Variants in MEOX2 observed in about 807,000 individuals in gnomAD.
MEOX2 encodes the protein homeobox protein MOX-2.
MEOX2 carries 11 observed loss-of-function variants against 27.0 expected under a neutral mutation model. The ratio of observed to expected loss-of-function variants is 0.41; its 90% CI spans 0.26 to 0.68. The LOEUF (loss-of-function observed/expected upper bound fraction) is 0.68, where lower values mean the gene tolerates loss of function less well. Ranked by LOEUF, MEOX2 falls within the 30% of genes least tolerant of loss-of-function variation. The pLI is 0.33. For missense variants in MEOX2, 436 were observed against 385.4 expected (o/e 1.13, Z -1.10); for synonymous variants, 189 against 155.4 (o/e 1.22, Z -1.61).
At chr7:15,617,784 A>G (rs191162007) in intron 2 of MEOX2, among the ~76,000 whole-genome samples, 1 of 151,996 alleles carries the variant, frequency 6.6e-6, no homozygotes, top group Non-Finnish European at 1.5e-5. Flanking sequence ...TCATTTTCCT[A>G]CCTCTGTAAT....
intron 1 of MEOX2, among the ~76,000 whole-genome samples, chr7:15,664,629 G>C (rs1470217065): frequency 6.6e-6 from 1 of 152,092 alleles, no homozygotes; most frequent in South Asian, 2.1e-4. Context: ...AAATACTTCA[G>C]GGCTAATTCA....
chr7:15,626,479 A>G (rs1027753956), intron 2 of MEOX2, among the ~76,000 whole-genome samples: 4 of 152,074 alleles, frequency 2.6e-5, no homozygotes, highest in African/African-American at 9.7e-5. Flanking sequence ...TATGTAAAAG[A>G]AATAATATTT....
intron 1 of MEOX2, among the ~76,000 whole-genome samples, chr7:15,641,325 T>C (rs1299568246): frequency 6.6e-6 from 1 of 152,182 alleles, no homozygotes; most frequent in Non-Finnish European, 1.5e-5. Context: ...TGAATTGAGT[T>C]GAACCCTTTA....
At chr7:15,633,366 G>A (rs1409385372) in intron 1 of MEOX2, among the ~76,000 whole-genome samples, 2 of 151,848 alleles carry the variant, frequency 1.3e-5, no homozygotes, top group Non-Finnish European at 2.9e-5. Flanking sequence ...AGATGGGGAG[G>A]GAAAGAAACT....
chr7:15,652,329 T>A (rs1479721265), intron 1 of MEOX2, among the ~76,000 whole-genome samples: 1 of 152,048 alleles, frequency 6.6e-6, no homozygotes, highest in East Asian at 1.9e-4. Context: ...TCTCATTAAG[T>A]AATCTATAAT....
chr7:15,642,080 A>C (rs1454950539), intron 1 of MEOX2, among the ~76,000 whole-genome samples: 2 of 152,090 alleles, frequency 1.3e-5, no homozygotes, highest in African/African-American at 4.8e-5. Flanking sequence ...CCTGAAGACT[A>C]TATGCCTTGT....
intron 1 of MEOX2, among the ~76,000 whole-genome samples, chr7:15,635,759 C>T (rs891623869): frequency 1.3e-5 from 2 of 152,032 alleles, no homozygotes; most frequent in African/African-American, 2.4e-5. Flanking sequence ...AGCAGAGTTC[C>T]ACTTTACATT....
intron 1 of MEOX2, among the ~76,000 whole-genome samples, chr7:15,648,734 A>G (rs60898396): frequency 6.6e-6 from 1 of 152,224 alleles, no homozygotes; most frequent in East Asian, 1.9e-4. Flanking sequence ...GGATGTAGCG[A>G]AAGTGCTGCA....
At chr7:15,647,912 C>T (rs1021881934) in intron 1 of MEOX2, among the ~76,000 whole-genome samples, 1 of 151,946 alleles carries the variant, frequency 6.6e-6, no homozygotes, top group African/African-American at 2.4e-5. Context: ...TTAAACTTCT[C>T]AATTTACAGA....
chr7:15,679,283 G>A (rs1197566436), intron 1 of MEOX2: 1 of 151,908 alleles, frequency 6.6e-6, no homozygotes, highest in Non-Finnish European at 1.5e-5. Context: ...TAGCTTCCAT[G>A]TCCTAGTTAA....
intron 2 of MEOX2, among the ~76,000 whole-genome samples, 200 bp from the exon 3 acceptor site, chr7:15,612,811 G>A (rs1322681814): frequency 6.6e-6 from 1 of 152,202 alleles, no homozygotes; most frequent in South Asian, 2.1e-4. Flanking sequence ...AGTTTCAAAA[G>A]GTGCATACAA....
At chr7:15,645,611 T>G (rs546354291) in intron 1 of MEOX2, among the ~76,000 whole-genome samples, 1 of 152,118 alleles carries the variant, frequency 6.6e-6, no homozygotes. Context: ...TGTAAAGAAT[T>G]GGTTGGTAAA....
intron 1 of MEOX2, among the ~76,000 whole-genome samples, chr7:15,674,455 C>T (rs1211066145): frequency 6.6e-6 from 1 of 151,894 alleles, no homozygotes; most frequent in African/African-American, 2.4e-5. Context: ...CAATGGAACT[C>T]AGTCTTAAAT....
chr7:15,664,990 C>T (rs1366462113), intron 1 of MEOX2, among the ~76,000 whole-genome samples: 1 of 151,198 alleles, frequency 6.6e-6, no homozygotes, highest in Non-Finnish European at 1.5e-5. Context: ...TTGTTTATTT[C>T]AGAGGAAATG....
intron 1 of MEOX2, among the ~76,000 whole-genome samples, chr7:15,644,701 T>A (rs1445193827): frequency 6.6e-6 from 1 of 152,266 alleles, no homozygotes; most frequent in East Asian, 1.9e-4. Flanking sequence ...AAAATCCAGA[T>A]TTTTTCTATT....
At chr7:15,629,528 G>A (rs1442508469) in intron 1 of MEOX2, among the ~76,000 whole-genome samples, 1 of 152,040 alleles carries the variant, frequency 6.6e-6, no homozygotes, top group Non-Finnish European at 1.5e-5. Context: ...AAGAACCATT[G>A]AATTGTAATT....
chr7:15,659,273 G>C (rs925755792), intron 1 of MEOX2, among the ~76,000 whole-genome samples: 1 of 151,982 alleles, frequency 6.6e-6, no homozygotes, highest in Non-Finnish European at 1.5e-5. Context: ...AAATATGAAA[G>C]GTGTGGAAAC....
At chr7:15,647,055 ATTTTGTT>A (rs1340987708) in intron 1 of MEOX2, among the ~76,000 whole-genome samples, 1 of 152,034 alleles carries the variant, frequency 6.6e-6, no homozygotes, top group African/African-American at 2.4e-5. Context: ...TAAAGCTTGC[ATTTTGTT>A]TGATGCTCAT....
chr7:15,612,931 T>C (rs989945342), intron 2 of MEOX2, among the ~76,000 whole-genome samples: 1 of 152,232 alleles, frequency 6.6e-6, no homozygotes, highest in Non-Finnish European at 1.5e-5. Context: ...TTCTGTGAAT[T>C]GGAGCTAACA....
Sources: gnomAD v4.1 joint callset for allele counts (sites outside exome capture counted in the v4.1 genomes callset) on GRCh38, gnomAD v4.1.1 for gene constraint, MANE v1.5 for transcripts, NCBI Gene and HGNC (gene_info 2026-07-23, HGNC 2026-07-21) for gene names.